FAT2: variants seen among roughly 807,000 people sequenced by gnomAD.
FAT2 encodes FAT atypical cadherin 2.
FAT2 carries 150 observed loss-of-function variants against 295.3 expected under a neutral mutation model. The ratio of observed to expected loss-of-function variants is 0.51; its 90% CI spans 0.44 to 0.58. FAT2 has a LOEUF of 0.58. Among genes scored for constraint, FAT2 ranks in the 20% least tolerant of loss-of-function variants. The pLI, the probability that FAT2 is intolerant of heterozygous loss-of-function variation, is 0.00. For missense variants in FAT2, 4,868 were observed against 5,442.7 expected, an observed-to-expected ratio of 0.89 and a Z score of 3.32; for synonymous variants, 2,026 against 2,150.3, an observed-to-expected ratio of 0.94 and a Z score of 1.60.
chr5:151,527,789 G>A (rs1279853358), intron 16 of FAT2, among the ~76,000 whole-genome samples: 1 of 152,130 alleles, frequency 6.6e-6, no homozygotes, highest in East Asian at 1.9e-4. Context: ...GGTCCTCTAG[G>A]GAAGGTTACG....
intron 21 of FAT2, chr5:151,511,180 T>C (rs1044885816): frequency 6.6e-6 from 1 of 152,108 alleles, no homozygotes; most frequent in African/African-American, 2.4e-5. Flanking sequence ...AGAGAAGTGA[T>C]GGATTCCTTG....
chr5:151,555,452 C>A (rs913874515), intron 4 of FAT2, among the ~76,000 whole-genome samples: 1 of 149,312 alleles, frequency 6.7e-6, no homozygotes, highest in Admixed American at 6.7e-5. Flanking sequence ...CTCACTGCAA[C>A]CTCCGTCTCC....
At position 151,542,437 on chromosome 5, in the gene FAT2, G is replaced by A. The variant is rs1292332468; in HGVS notation, c.8690C>T (p.Thr2897Ile). The part of the protein sequence containing the change: ...SSQALVQVSI[T>I]DENDNAPRFA... ...TCGGGGAGCATTGTCATTCTCATCT[G>A]TAATGGAGACCTGAACCAGGGCCTG... Residue 2897 changes from threonine to isoleucine, a missense_variant, in exon 10 of 24, where the codon ACA (threonine) becomes ATA (isoleucine). By Grantham distance (89) the Thr-to-Ile change is moderately conservative. Around this residue, in one of 5 missense-constraint regions of FAT2, gnomAD observed 3,297 missense variants for 3,669.4 expected, o/e 0.90. Coordinates refer to ENST00000261800, the MANE Select transcript of FAT2 (RefSeq NM_001447.3). 4 of 1,614,164 alleles carry A rather than the reference G, an allele frequency of 2.5e-6. No homozygotes were observed. The highest frequency in any genetic ancestry group is 1.7e-5 in the Admixed American group (1 of 60,014).
At chr5:151,541,573 G>C (rs1227584774) in intron 10 of FAT2, among the ~76,000 whole-genome samples, 2 of 152,176 alleles carry the variant, frequency 1.3e-5, no homozygotes, top group East Asian at 3.8e-4. Context: ...GGGGGACATG[G>C]CACCTGGGGA....
rs749401703 is a variant in FAT2 at position 151,543,768 on chromosome 5, C to A, written c.7359G>T (p.Arg2453Ser). 14 of 1,614,056 alleles carry A rather than the reference C, an allele frequency of 8.7e-6. No homozygotes were observed. The African/African-American group carries it at 1.6e-4, about 18-fold the overall frequency. The change falls in exon 10 of 24, where the codon AGG becomes AGT. Residue 2453 changes from arginine to serine, a missense_variant. By Grantham distance (110) the Arg-to-Ser change is moderately radical. Coordinates refer to ENST00000261800, the MANE Select transcript of FAT2 (RefSeq NM_001447.3). ...KKHLDSSYNL[R>S]VGASDGVFRA... ...GGAAGACTCCATCAGAAGCACCTAC[C>A]CTCAAATTGTAAGAAGAGTCCAGGT...
upstream of FAT2, among the ~76,000 whole-genome samples, chr5:151,591,819 A>G (rs1759422458): frequency 6.6e-6 from 1 of 152,160 alleles, no homozygotes; most frequent in Non-Finnish European, 1.5e-5. Flanking sequence ...AAAGATGGGG[A>G]TAATAATAGC....
intron 1 of FAT2, among the ~76,000 whole-genome samples, chr5:151,586,177 G>A (rs1013980860): frequency 3.3e-5 from 5 of 152,254 alleles, no homozygotes; most frequent in Non-Finnish European, 5.9e-5. Flanking sequence ...CACTGGACAC[G>A]TGAGCACATG....
chr5:151,515,617 C>T (rs1329312388), intron 20 of FAT2, among the ~76,000 whole-genome samples: 1 of 152,244 alleles, frequency 6.6e-6, no homozygotes, highest in Non-Finnish European at 1.5e-5. Context: ...GCCAAAATCT[C>T]ACTACTTGCC....
upstream of FAT2, among the ~76,000 whole-genome samples, chr5:151,593,816 A>G (rs1683016084): frequency 1.3e-5 from 2 of 152,124 alleles, no homozygotes; most frequent in Non-Finnish European, 2.9e-5. Flanking sequence ...ATCCTGGCCA[A>G]CATGGTGAAA....
At chr5:151,592,298 T>C (rs566991315), upstream of FAT2, among the ~76,000 whole-genome samples, 9 of 152,298 alleles carry the variant, frequency 5.9e-5, no homozygotes, top group South Asian at 1.9e-3. Context: ...GTTTTGTATG[T>C]TCATGCACAG....
At chr5:151,557,811 TC>T (rs1039750496) in intron 3 of FAT2, among the ~76,000 whole-genome samples, 5 of 151,984 alleles carry the variant, frequency 3.3e-5, no homozygotes, top group African/African-American at 1.2e-4. Flanking sequence ...GGGTTAGGGG[TC>T]ATGGTGAGGC....
At position 151,568,102 on chromosome 5, in the gene FAT2, A is replaced by G. The variant is rs768007036; in HGVS notation, c.830T>C (p.Val277Ala). The stretch of plus-strand genomic sequence containing the variant: ...TTCAGCTCCTGAGCTATTTGCATCG[A>G]CCAGTACAGTGGCATAGGTGGTACC... ...NDGTTYATVL[V>A]DANSSGAEVE... The change falls in exon 2 of 24, where the codon GTC (valine) becomes GCC (alanine). Residue 277 changes from valine (V) to alanine (A), a missense_variant. Physicochemically the swap from Val to Ala is moderately conservative, Grantham distance 64. This residue lies in a region of FAT2 where 3,297 missense variants were observed against 3,669.4 expected (regional missense o/e 0.90). Coordinates refer to ENST00000261800, the MANE Select transcript of FAT2 (RefSeq NM_001447.3). 1.9e-6 allele frequency: 3 copies of G among 1,614,134 alleles called. No individual in the cohort carries two copies. The highest frequency in any genetic ancestry group is 2.5e-6 in the Non-Finnish European group (3 of 1,180,018).
Position 151,531,769 on chromosome 5 carries a change from C to T in FAT2, c.9629G>A (p.Gly3210Asp), listed in dbSNP as rs369955408. The T allele has an allele frequency of 2.5e-6, 4 of 1,602,530 alleles. No homozygotes were observed. The African/African-American group carries it at 5.6e-5, about 22-fold the overall frequency. Residue 3210 changes from glycine to aspartate, a missense_variant, in exon 14 of 24, where the codon GGC becomes GAC. By Grantham distance (94) the Gly-to-Asp change is moderately conservative. Transcript: ENST00000261800. This position sits in a 1 kb window ranked among gnomAD's most constrained non-coding sequence, Gnocchi z 5.7. ...GAACACGGGCAGGTAGTCTTCTAGGCCCACCACCGAGACTGTGACGGTGCC... is the reference window on the plus strand; with the variant it reads ...GAACACGGGCAGGTAGTCTTCTAGGTCCACCACCGAGACTGTGACGGTGCC... ...TLGTVTVSVV[G>D]LEDYLPVFLN...
rs1162178098 is a variant in FAT2, at chr5:151,544,246, A to C, written c.6881T>G (p.Leu2294Arg). The C allele has an allele frequency of 6.2e-7, 1 of 1,614,220 alleles. No homozygotes were observed. Among genetic ancestry groups the C allele is most frequent in the South Asian group, 1.1e-5 (1 of 91,084 alleles). ...GLPAQTPVIQ[L>R]LASDQDSGRN... ...CCCTGAGTCCTGGTCAGAAGCCAACAGTTGGATCACAGGGGTCTGAGCAGG... is the reference window on the plus strand; with the variant it reads ...CCCTGAGTCCTGGTCAGAAGCCAACCGTTGGATCACAGGGGTCTGAGCAGG... The change falls in exon 10 of 24, where the codon CTG (leucine) becomes CGG (arginine). Residue 2294 changes from leucine to arginine, a missense_variant. Around this residue, in one of 5 missense-constraint regions of FAT2, gnomAD observed 3,297 missense variants for 3,669.4 expected, o/e 0.90. Transcript: ENST00000261800.
rs2127612272 is a variant in FAT2, at chr5:151,545,492, C to T, written c.5635G>A (p.Val1879Ile). The T allele has an allele frequency of 6.2e-7, 1 of 1,614,166 alleles. No individual in the cohort carries two copies. Reference sequence around the variant, plus strand: ...GGATGGATAGGCCCGACTATTGCTACCTCATATATCTGTTCTGAGAATCTG... The same window carrying T: ...GGATGGATAGGCCCGACTATTGCTATCTCATATATCTGTTCTGAGAATCTG... ...PPRFSEQIYE[V>I]AIVGPIHPGM... Residue 1879 changes from valine (V) to isoleucine (I), a missense_variant, in exon 10 of 24, where the codon GTA becomes ATA. Physicochemically the swap from Val to Ile is conservative, Grantham distance 29. Coordinates refer to ENST00000261800, the MANE Select transcript of FAT2 (RefSeq NM_001447.3).
intron 3 of FAT2, among the ~76,000 whole-genome samples, chr5:151,561,402 T>TC (rs1758010755): frequency 6.6e-6 from 1 of 152,144 alleles, no homozygotes; most frequent in Non-Finnish European, 1.5e-5. Flanking sequence ...CTTTTTTTTT[T>TC]CTTTCTGAGA....
chr5:151,554,333 C>T (rs1757499019), intron 5 of FAT2, 29 bp downstream of exon 5: 1 of 1,590,448 alleles, frequency 6.3e-7, no homozygotes, highest in Non-Finnish European at 8.6e-7. Flanking sequence ...TGCCACTCCT[C>T]CCTCCGTGGC....
chr5:151,541,020 G>GT (rs111735948), intron 10 of FAT2, among the ~76,000 whole-genome samples: 1,975 of 152,342 alleles, frequency 0.013, 41 homozygotes, highest in African/African-American at 0.046. Flanking sequence ...TGAAGGCAGG[G>GT]TTTTTTGTTT....
At position 151,525,751 on chromosome 5, in the gene FAT2, C is replaced by A. The variant is rs368865606; in HGVS notation, c.10506+17G>T. On this transcript the variant is annotated intron_variant, in intron 18 of 23. Transcript: ENST00000261800. Reference sequence around the variant, plus strand: ...CTGTCCCCATGGTCACCACCAGAAGCCTAGCACAGCTCTCACCTGGATCTG... The same window carrying A: ...CTGTCCCCATGGTCACCACCAGAAGACTAGCACAGCTCTCACCTGGATCTG... 3 of 1,613,862 alleles carry A rather than the reference C, an allele frequency of 1.9e-6. No homozygotes were observed. The African/African-American group carries it at 4.0e-5, about 22-fold the overall frequency.
Sources: allele counts gnomAD v4.1 joint callset (sites outside exome capture counted in the v4.1 genomes callset), GRCh38; gene constraint gnomAD v4.1.1; regional missense constraint gnomAD v4.1.1; non-coding constraint Gnocchi (gnomAD v3.1); transcripts MANE v1.5; gene names NCBI Gene and HGNC (gene_info 2026-07-23, HGNC 2026-07-21).